The following KIDINS220 variants were observed in gnomAD, a reference collection of about 807,000 sequenced individuals.
KIDINS220 encodes the protein kinase D-interacting substrate of 220 kDa.
In KIDINS220, 63 loss-of-function variants were observed where a neutral mutation model predicts 157.6. The ratio of observed to expected loss-of-function variants is 0.40; its 90% CI spans 0.33 to 0.49. KIDINS220 has a LOEUF of 0.49. Ranked by LOEUF, KIDINS220 falls within the 20% of genes least tolerant of loss-of-function variation. The pLI is 0.66. For missense variants in KIDINS220, 1,772 were observed against 2,171.2 expected (o/e 0.82, Z 3.65); for synonymous variants, 732 against 783.6 (o/e 0.93, Z 1.10).
chr2:8,795,329 C>CCCAGA (rs1434698024), intron 11 of KIDINS220, among the ~76,000 whole-genome samples: 2 of 152,194 alleles, frequency 1.3e-5, no homozygotes, highest in Non-Finnish European at 2.9e-5. Flanking sequence ...AATTCTCATC[C>CCCAGA]CCAGACCTGT....
At chr2:8,773,661 G>A (rs775886807) in intron 21 of KIDINS220, among the ~76,000 whole-genome samples, 5 of 151,966 alleles carry the variant, frequency 3.3e-5, no homozygotes, top group Non-Finnish European at 7.4e-5. Flanking sequence ...TCGTAAAGAC[G>A]GGGTTTCATC....
chr2:8,736,886 A>G lies in KIDINS220; in HGVS notation c.3699T>C (p.Tyr1233=), dbSNP rs1459454486. The G allele has an allele frequency of 5.0e-6, 8 of 1,614,042 alleles. No homozygotes were observed. The highest frequency in any genetic ancestry group is 6.8e-6 in the Non-Finnish European group (8 of 1,180,018). ...EGLDQSMLPQ[Y]CTTIKKANIN... is the part of the protein sequence containing the mutation. ...GCCTCACCTTTTTGATCGTGGTACA[A>G]TACTGAGGCAGCATACTCTGGTCCA... The change falls in exon 27 of 30, where the codon TAT becomes TAC. Residue 1233 remains tyrosine (Y), a synonymous_variant. Transcript: ENST00000256707.
chr2:8,767,810 T>G (rs2148144676), intron 22 of KIDINS220, among the ~76,000 whole-genome samples: 1 of 152,332 alleles, frequency 6.6e-6, no homozygotes, highest in Admixed American at 6.5e-5. Flanking sequence ...TAACATTACT[T>G]GAATAATTTA....
chr2:8,752,720 C>G (rs1374737282), intron 22 of KIDINS220, among the ~76,000 whole-genome samples: 12 of 151,990 alleles, frequency 7.9e-5, no homozygotes, highest in Admixed American at 7.2e-4. Flanking sequence ...TAAAAAAAAG[C>G]TAAGTTTTTC....
At chr2:8,786,101 A>G (rs1043137150) in intron 16 of KIDINS220, 71 bp from the exon 17 acceptor site, 8 of 1,559,894 alleles carry the variant, frequency 5.1e-6, no homozygotes, top group Admixed American at 1.8e-5. Context: ...TATAGTCACA[A>G]TACCTGATGA....
Position 8,731,131 on chromosome 2 carries a change from C to G in KIDINS220, c.4905G>C (p.Leu1635=). 2 of 1,614,178 alleles carry G rather than the reference C, an allele frequency of 1.2e-6. No individual in the cohort carries two copies. Among genetic ancestry groups the G allele is most frequent in the Non-Finnish European group, 1.7e-6 (2 of 1,180,022 alleles). ...KRGIPHSLSG[L]QDPIIARMSI... ...ACATCCGAGCTATAATTGGATCTTG[C>G]AGGCCACTCAGGCTATGTGGGATTC... Residue 1635 remains leucine, a synonymous_variant, in exon 30 of 30, where the codon CTG becomes CTC. Coordinates refer to ENST00000256707, the MANE Select transcript of KIDINS220 (RefSeq NM_020738.4). The surrounding 1 kb of genome is among the most constrained non-coding windows in gnomAD (Gnocchi z 5.2).
intron 22 of KIDINS220, chr2:8,757,910 T>G: frequency 2.5e-6 from 2 of 787,108 alleles, no homozygotes; most frequent in Non-Finnish European, 4.1e-6. Flanking sequence ...TTGCCCAGGC[T>G]GGAGTGCAGT....
Position 8,728,869 on chromosome 2 carries a change from T to A in KIDINS220, c.*1851A>T. ...CATGTGACAAAACAAACACACAAAC[T>A]ACTTTTATTTTTAATCAAAATGTGA... On this transcript the variant is annotated 3_prime_UTR_variant, in exon 30 of 30. Coordinates refer to ENST00000256707, the MANE Select transcript of KIDINS220 (RefSeq NM_020738.4). 2 of 985,202 alleles carry A rather than the reference T, an allele frequency of 2.0e-6. No individual in the cohort carries two copies. Among genetic ancestry groups the A allele is most frequent in the African/African-American group, 1.7e-5 (1 of 57,356 alleles). The allele number at this position is 985,202 out of a possible 1,614,324, so 61.0% of individuals were successfully genotyped here. A position where few individuals can be genotyped will look rare whatever the true frequency, so the allele number is the denominator to read the frequency against.
chr2:8,758,580 T>C (rs548988469), intron 22 of KIDINS220, among the ~76,000 whole-genome samples: 1 of 152,294 alleles, frequency 6.6e-6, no homozygotes, highest in South Asian at 2.1e-4. Flanking sequence ...CTAACCTTTA[T>C]TATTTCCTTC....
intron 26 of KIDINS220, among the ~76,000 whole-genome samples, chr2:8,744,988 A>G (rs1175771942): frequency 6.6e-6 from 1 of 152,208 alleles, no homozygotes; most frequent in East Asian, 1.9e-4. Flanking sequence ...ACCTTTGTTG[A>G]GCTTCTAAAC....
At chr2:8,751,665 A>T in intron 22 of KIDINS220, 21 bp from the exon 23 acceptor site, 1 of 1,526,730 alleles carries the variant, frequency 6.5e-7, no homozygotes, top group South Asian at 1.2e-5. Flanking sequence ...GAAATCAATG[A>T]AAAAGGTTAT....
At chr2:8,752,224 T>C (rs1667458691) in intron 22 of KIDINS220, among the ~76,000 whole-genome samples, 1 of 152,154 alleles carries the variant, frequency 6.6e-6, no homozygotes, top group Admixed American at 6.5e-5. Context: ...TTTCGCCATG[T>C]TGCCCAGGAG....
At chr2:8,734,831 G>T in intron 27 of KIDINS220, 78 bp from the exon 28 acceptor site, 1 of 1,045,164 alleles carries the variant, frequency 9.6e-7, no homozygotes, top group Non-Finnish European at 1.4e-6. Flanking sequence ...TGCCAAGTAT[G>T]CTTATATTTA....
chr2:8,800,860 T>A (rs1363087198), intron 8 of KIDINS220, among the ~76,000 whole-genome samples: 1 of 152,184 alleles, frequency 6.6e-6, no homozygotes, highest in Admixed American at 6.5e-5. Flanking sequence ...CATTTTAAAA[T>A]CATATAGTAA....
rs1667158430 is a variant in KIDINS220 at position 8,750,245 on chromosome 2, C to T, written c.3281G>A (p.Gly1094Glu). The T allele has an allele frequency of 1.2e-6, 2 of 1,613,816 alleles. No individual in the cohort carries two copies. Among genetic ancestry groups the T allele is most frequent in the African/African-American group, 2.7e-5 (2 of 74,880 alleles). ...GCACACGGATGGGGGCTGGCTGTAC[C>T]CTGATGGCGCCCTAGGAGGACCCTC... ...LHEGPPRAPS[G>E]YSQPPSVCSS... The change falls in exon 24 of 30, where the codon GGG becomes GAG. Residue 1094 changes from glycine (G) to glutamate (E), a missense_variant. Around this residue, in one of 3 missense-constraint regions of KIDINS220, gnomAD observed 793 missense variants for 885.5 expected, o/e 0.90. Coordinates refer to ENST00000256707, the MANE Select transcript of KIDINS220 (RefSeq NM_020738.4).
chr2:8,785,353 C>A (rs1349823478), intron 17 of KIDINS220, among the ~76,000 whole-genome samples: 1 of 152,120 alleles, frequency 6.6e-6, no homozygotes, highest in Non-Finnish European at 1.5e-5. Flanking sequence ...ACATGTTATA[C>A]ATTTGTCCAA....
chr2:8,833,540 C>T (rs1679959806), intron 1 of KIDINS220, among the ~76,000 whole-genome samples: 1 of 141,370 alleles, frequency 7.1e-6, no homozygotes, highest in Non-Finnish European at 1.5e-5. Context: ...TGATTAATAG[C>T]TGTCTCTCCC....
chr2:8,826,972 A>G lies in KIDINS220; in HGVS notation c.108+14T>C. The G allele has an allele frequency of 6.7e-7, 1 of 1,487,336 alleles. No individual in the cohort carries two copies. The highest frequency in any genetic ancestry group is 9.3e-7 in the Non-Finnish European group (1 of 1,069,696). 92.1% of individuals were successfully genotyped at this position (1,487,336 alleles called of 1,614,324 possible). On this transcript the variant is annotated intron_variant, in intron 2 of 29. Transcript: ENST00000256707. ...TATTTGTGAAAGAATGTAATTTTGC[A>G]AACTTGGTCTTACCTCATTTCTCTC...
chr2:8,731,532 G>C lies in KIDINS220; in HGVS notation c.4504C>G (p.Leu1502Val), dbSNP rs754570546. Reference sequence around the variant, plus strand: ...TTAAGCTTCAAATCTGTCTGGAAGAGGCTTGACCTTTCGGAAGATTTCTTG... The same window carrying C: ...TTAAGCTTCAAATCTGTCTGGAAGACGCTTGACCTTTCGGAAGATTTCTTG... Reference protein sequence around the residue: ...PGKKSSERSSLFQTDLKLKGS... With the variant: ...PGKKSSERSSVFQTDLKLKGS... Residue 1502 changes from leucine (L) to valine (V), a missense_variant, in exon 30 of 30, where the codon CTC (leucine) becomes GTC (valine). By Grantham distance (32) the Leu-to-Val change is conservative. Coordinates refer to ENST00000256707, the MANE Select transcript of KIDINS220 (RefSeq NM_020738.4). This position sits in a 1 kb window ranked among gnomAD's most constrained non-coding sequence, Gnocchi z 5.2. The C allele has an allele frequency of 6.8e-6, 11 of 1,614,204 alleles. No individual in the cohort carries two copies. The highest frequency in any genetic ancestry group is 9.3e-6 in the Non-Finnish European group (11 of 1,180,042).
Sources: allele counts gnomAD v4.1 joint callset (sites outside exome capture counted in the v4.1 genomes callset), GRCh38; gene constraint gnomAD v4.1.1; regional missense constraint gnomAD v4.1.1; non-coding constraint Gnocchi (gnomAD v3.1); transcripts MANE v1.5; gene names NCBI Gene and HGNC (gene_info 2026-07-23, HGNC 2026-07-21).